Variants in C1QTNF8 observed in about 807,000 individuals in gnomAD.
C1QTNF8 encodes the protein complement C1q tumor necrosis factor-related protein 8.
A neutral mutation model predicts 19.2 loss-of-function variants in C1QTNF8; 27 were observed. The ratio of observed to expected loss-of-function variants is 1.41; its 90% CI spans 1.04 to 1.94. The LOEUF is 1.94. C1QTNF8 is among the 30% of genes most tolerant of loss of function. The pLI is 0.00. For synonymous variants in C1QTNF8, 208 were observed against 172.8 expected (o/e 1.20, Z -1.60); for missense variants, 484 against 374.4 (o/e 1.29, Z -2.42).
At chr16:1,093,153 A>C (rs112620498) in intron 4 of C1QTNF8, among the ~76,000 whole-genome samples, 9,146 of 133,524 alleles carry the variant, frequency 0.068, 217 homozygotes, top group African/African-American at 0.22. Context: ...CACAGCACAC[A>C]GTCGGCGCTC....
In C1QTNF8 at chr16:1,089,361, T is replaced by TC. The variant is rs565101023; in HGVS notation, c.*1237dup. On this transcript the variant is annotated 3_prime_UTR_variant, in exon 5 of 5. Transcript: ENST00000328449. ...GACCCCAACAGGCTCCTCCTGGGGA[T>TC]CCCCCCAAGCAGGAACCCCTGGAGC... 5.8e-3 allele frequency among the ~76,000 whole-genome samples: 882 copies of TC among 151,856 alleles called. 10 individuals carry two copies. Among genetic ancestry groups the TC allele is most frequent in the African/African-American group, 0.02 (830 of 41,374 alleles).
Position 1,093,980 on chromosome 16 carries a change from C to T in C1QTNF8, c.280G>A (p.Gly94Ser). 6.8e-7 allele frequency: 1 copy of T among 1,467,540 alleles called. No homozygotes were observed. The highest frequency in any genetic ancestry group is 8.9e-7 in the Non-Finnish European group (1 of 1,125,094). 90.9% of individuals were successfully genotyped at this position (1,467,540 alleles called of 1,614,324 possible). A position where few individuals can be genotyped will look rare whatever the true frequency, so the allele number is the denominator to read the frequency against. ...TTCTGGCCTCTGCGGCCCTGCAGGCCCCGGGCGCCTGGCGGCCCCTCTTTC... is the reference window on the plus strand; with the variant it reads ...TTCTGGCCTCTGCGGCCCTGCAGGCTCCGGGCGCCTGGCGGCCCCTCTTTC... ...SGKEGPPGAR[G>S]LQGRRGQKGQ... Residue 94 changes from glycine (G) to serine (S), a missense_variant, in exon 4 of 5, where the codon GGC becomes AGC. Gly to Ser is a moderately conservative substitution (Grantham distance 56). Coordinates refer to ENST00000328449, the MANE Select transcript of C1QTNF8 (RefSeq NM_207419.3).
At chr16:1,092,668 A>G (rs34690203) in intron 4 of C1QTNF8, among the ~76,000 whole-genome samples, 1 of 41,164 alleles carries the variant, frequency 2.4e-5, no homozygotes, top group African/African-American at 1.5e-4. Flanking sequence ...TCAACCAATC[A>G]CAGCACACAG....
At chr16:1,092,271 C>A (rs1960561024) in intron 4 of C1QTNF8, among the ~76,000 whole-genome samples, 1 of 152,202 alleles carries the variant, frequency 6.6e-6, no homozygotes, top group Non-Finnish European at 1.5e-5. Flanking sequence ...GGCACTCAAT[C>A]AATCCCTGCA....
chr16:1,092,607 A>AAATCACTGCACACAGTCGGCGCTCAACC lies in C1QTNF8; in HGVS notation c.*4+862_*4+889dup, dbSNP rs1567392313. Among the ~76,000 whole-genome samples the AAATCACTGCACACAGTCGGCGCTCAACC allele has an allele frequency of 2.0e-3, 38 of 18,946 alleles. 2 individuals are homozygous for AAATCACTGCACACAGTCGGCGCTCAACC. Among genetic ancestry groups the AAATCACTGCACACAGTCGGCGCTCAACC allele is most frequent in the African/African-American group, 0.011 (30 of 2,664 alleles). The allele number at this position is 18,946 out of a possible 152,430, so 12.4% of individuals were successfully genotyped here. On this transcript the variant is annotated intron_variant, in intron 4 of 4. Transcript: ENST00000328449. ...TCCCTGCACACAGTCGGCGCTCAAC[A>AAATCACTGCACACAGTCGGCGCTCAACC]AATCACTGCACACAGTCGGCGCTCA...
In C1QTNF8 at chr16:1,089,940, A is replaced by C. The variant is rs1960509942; in HGVS notation, c.*659T>G. ...CCGGGCGCCCTGGGTGTGTCCCGCT[A>C]TCCCAGCCAGGAGCAGACTCAGGCC... On this transcript the variant is annotated 3_prime_UTR_variant, in exon 5 of 5. Transcript: ENST00000328449. 1 of 152,300 alleles carries C rather than the reference A, an allele frequency of 6.6e-6. No homozygotes were observed. Among genetic ancestry groups the C allele is most frequent in the Non-Finnish European group, 1.5e-5 (1 of 68,164 alleles). The allele number at this position is 152,300 out of a possible 1,614,324, so 9.4% of individuals were successfully genotyped here.
rs551002257 is a variant in C1QTNF8 at position 1,094,264 on chromosome 16, C to T, written c.209-213G>A. Among the ~76,000 whole-genome samples the T allele has an allele frequency of 7.2e-5, 11 of 152,194 alleles. No individual in the cohort carries two copies. The East Asian group carries it at 1.7e-3, about 24-fold the overall frequency. On this transcript the variant is annotated intron_variant, in intron 3 of 4. Coordinates refer to ENST00000328449, the MANE Select transcript of C1QTNF8 (RefSeq NM_207419.3). ...GCTAGACCAAGGCCTGTGGCAAGGCCGTCCCCACCGAGAGGGTGGGGACAT... is the reference window on the plus strand; with the variant it reads ...GCTAGACCAAGGCCTGTGGCAAGGCTGTCCCCACCGAGAGGGTGGGGACAT...
intron 3 of C1QTNF8, 54 bp from the exon 4 acceptor site, chr16:1,094,105 C>T: frequency 7.4e-7 from 1 of 1,346,168 alleles, no homozygotes; most frequent in Non-Finnish European, 9.5e-7. Context: ...CAGGCCTCCC[C>T]CATTCCAGCA....
intron 4 of C1QTNF8, among the ~76,000 whole-genome samples, chr16:1,091,338 G>A (rs747332605): frequency 3.1e-4 from 47 of 152,224 alleles, no homozygotes; most frequent in Admixed American, 1.2e-3. Context: ...TCCTGCCCGG[G>A]CCCAGTGGCC....
At chr16:1,095,371 A>G (rs895248283) in intron 2 of C1QTNF8, among the ~76,000 whole-genome samples, 2 of 152,256 alleles carry the variant, frequency 1.3e-5, no homozygotes, top group Admixed American at 6.5e-5. Context: ...GGGGCCCTGC[A>G]CAGTGCACAG....
chr16:1,094,425 G>C (rs1417398829), intron 3 of C1QTNF8: 1 of 477,302 alleles, frequency 2.1e-6, no homozygotes, highest in Non-Finnish European at 3.7e-6. Context: ...CAAGCGGGCT[G>C]CCCAGGCTCC....
At chr16:1,094,586 C>T in intron 3 of C1QTNF8, 129 bp downstream of exon 3, 2 of 680,404 alleles carry the variant, frequency 2.9e-6, no homozygotes, top group Non-Finnish European at 2.3e-6. Context: ...GCAGGGAGCG[C>T]TGCCAGGGCA....
chr16:1,094,506 A>G (rs1454539633), intron 3 of C1QTNF8: 3 of 498,722 alleles, frequency 6.0e-6, no homozygotes, highest in Non-Finnish European at 1.1e-5. Context: ...TCAGCACCCC[A>G]CTTTGGTTCA....
rs565892702 is a variant in C1QTNF8, at chr16:1,093,796, C to T, written c.464G>A (p.Arg155His). 1.9e-6 allele frequency: 3 copies of T among 1,611,228 alleles called. No individual in the cohort carries two copies. The highest frequency in any genetic ancestry group is 1.3e-5 in the African/African-American group (1 of 74,902). The change falls in exon 4 of 5, where the codon CGC (arginine) becomes CAC (histidine). Residue 155 changes from arginine to histidine, a missense_variant. Transcript: ENST00000328449. ...LDGAFDLAAG[R>H]FLCTVPGVYF... Reference sequence around the variant, plus strand: ...GACGCCGGGCACCGTGCAGAGGAAGCGGCCCGCGGCCAGGTCGAAGGCGCC... The same window carrying T: ...GACGCCGGGCACCGTGCAGAGGAAGTGGCCCGCGGCCAGGTCGAAGGCGCC...
intron 4 of C1QTNF8, among the ~76,000 whole-genome samples, chr16:1,091,479 G>T (rs1960542880): frequency 6.6e-6 from 1 of 152,118 alleles, no homozygotes; most frequent in Admixed American, 6.5e-5. Context: ...GCACGTGGCT[G>T]GGAGAGCTTC....
At chr16:1,094,087 G>A (rs13337566) in intron 3 of C1QTNF8, 36 bp from the exon 4 acceptor site, 30,406 of 1,385,218 alleles carry the variant, frequency 0.022, 415 homozygotes, top group African/African-American at 0.051. Context: ...GGTCGGGGCC[G>A]GGCTGGGCAG....
chr16:1,090,832 G>C (rs1447622600), intron 4 of C1QTNF8, among the ~76,000 whole-genome samples: 3 of 152,232 alleles, frequency 2.0e-5, no homozygotes, highest in Non-Finnish European at 4.4e-5. Context: ...CAACAGGGAG[G>C]GTCACTGTTC....
chr16:1,089,830 G>T lies in C1QTNF8; in HGVS notation c.*769C>A, dbSNP rs1002193823. ...ATCTCCCCTCGGCCCACCCCTTCCT[G>T]TTCGGGCGCCTTTCTCTCTAAGGCG... On this transcript the variant is annotated 3_prime_UTR_variant, in exon 5 of 5. Transcript: ENST00000328449. Among the ~76,000 whole-genome samples, 1 of 152,218 alleles carries T rather than the reference G, an allele frequency of 6.6e-6. No homozygotes were observed. Among genetic ancestry groups the T allele is most frequent in the African/African-American group, 2.4e-5 (1 of 41,458 alleles).
In C1QTNF8 at chr16:1,094,744, C is replaced by G; in HGVS notation, c.179G>C (p.Arg60Pro). 1 of 1,570,564 alleles carries G rather than the reference C, an allele frequency of 6.4e-7. No homozygotes were observed. The highest frequency in any genetic ancestry group is 8.6e-7 in the Non-Finnish European group (1 of 1,160,552). The change falls in exon 3 of 5, where the codon CGG becomes CCG. Residue 60 changes from arginine to proline, a missense_variant. Coordinates refer to ENST00000328449, the MANE Select transcript of C1QTNF8 (RefSeq NM_207419.3). ...GDLWRGLPRV[R>P]PTIDIEILKG... ...GAGGATTTCGATGTCTATAGTGGGC[C>G]GTACTCGAGGCAGCCCCCTCCACAG...
Sources: allele counts gnomAD v4.1 joint callset (sites outside exome capture counted in the v4.1 genomes callset), GRCh38; gene constraint gnomAD v4.1.1; transcripts MANE v1.5; gene names NCBI Gene and HGNC (gene_info 2026-07-23, HGNC 2026-07-21).